Variants in SETD2 observed in about 807,000 individuals in gnomAD.
SETD2 encodes the protein SET domain containing 2, histone lysine methyltransferase, also known as histone-lysine N-methyltransferase SETD2.
Under a neutral mutation model 242.1 loss-of-function variants are expected in SETD2, and 31 were observed. That is an observed-to-expected ratio of 0.13 (90% CI 0.10 to 0.17). SETD2 has a LOEUF of 0.17. SETD2 is among the 10% of genes least tolerant of loss of function. SETD2 has a pLI of 1.00. For synonymous variants in SETD2, 1,006 were observed against 1,066.5 expected (o/e 0.94, Z 1.11); for missense variants, 2,481 against 3,046.3 (o/e 0.81, Z 4.37).
chr3:47,090,636 C>T (rs1286088353), intron 9 of SETD2, among the ~76,000 whole-genome samples: 1 of 151,962 alleles, frequency 6.6e-6, no homozygotes, highest in Non-Finnish European at 1.5e-5. Flanking sequence ...GTGATCTGCC[C>T]GCCTCAGCCT....
At chr3:47,069,827 T>C (rs2040740848) in intron 12 of SETD2, among the ~76,000 whole-genome samples, 1 of 152,246 alleles carries the variant, frequency 6.6e-6, no homozygotes, top group Non-Finnish European at 1.5e-5. Flanking sequence ...CTTACTCCTC[T>C]GTCTGCCTCT....
In SETD2 at chr3:47,056,095, TTTATTTATTTATTTATTTA is replaced by T. The variant is rs1253523041; in HGVS notation, c.6963+707_6963+725del. ...AAAAAAAAGAAAAGAAAACATGATT[TTTATTTATTTATTTATTTA>T]TTTATTTATTTATTTATTTATTTAT... On this transcript the variant is annotated intron_variant, in intron 15 of 20. Transcript: ENST00000409792. 9.4e-5 allele frequency among the ~76,000 whole-genome samples: 4 copies of T among 42,554 alleles called. No individual in the cohort carries two copies. In the South Asian group the frequency reaches 2.6e-3, roughly 28 times the overall value. 27.9% of individuals were successfully genotyped at this position (42,554 alleles called of 152,430 possible). A position where few individuals can be genotyped will look rare whatever the true frequency, so the allele number is the denominator to read the frequency against.
intron 1 of SETD2, among the ~76,000 whole-genome samples, chr3:47,132,664 CG>C (rs11344368): frequency 0.65 from 98,769 of 151,900 alleles, 32,495 homozygotes; most frequent in African/African-American, 0.75. Flanking sequence ...TACTGAATTT[CG>C]TAACTACAAA....
At chr3:47,146,496 T>C (rs1479887173) in intron 1 of SETD2, among the ~76,000 whole-genome samples, 1 of 151,640 alleles carries the variant, frequency 6.6e-6, no homozygotes, top group East Asian at 1.9e-4. Context: ...GTCATAGTGG[T>C]AGTCGCCTCT....
chr3:47,051,045 C>T (rs1575691143), intron 15 of SETD2, among the ~76,000 whole-genome samples: 1 of 151,426 alleles, frequency 6.6e-6, no homozygotes, highest in African/African-American at 2.4e-5. Context: ...TTTTCTTATC[C>T]CTCTACTCAT....
intron 17 of SETD2, among the ~76,000 whole-genome samples, chr3:47,041,564 T>G (rs2039281576): frequency 6.6e-6 from 1 of 152,144 alleles, no homozygotes; most frequent in African/African-American, 2.4e-5. Context: ...TGAAATAGAT[T>G]AGTAAATAAA....
At chr3:47,077,824 A>G (rs2041157675) in intron 12 of SETD2, among the ~76,000 whole-genome samples, 1 of 152,214 alleles carries the variant, frequency 6.6e-6, no homozygotes, top group Non-Finnish European at 1.5e-5. Context: ...AATAATGGAG[A>G]TATGTCAGAA....
chr3:47,131,907 A>G (rs969272313), intron 1 of SETD2, among the ~76,000 whole-genome samples: 5 of 151,592 alleles, frequency 3.3e-5, no homozygotes, highest in Non-Finnish European at 7.4e-5. Context: ...CCTCGCGAGT[A>G]GCTGGGACTA....
chr3:47,066,522 T>C (rs1477896986), intron 13 of SETD2, among the ~76,000 whole-genome samples: 1 of 152,160 alleles, frequency 6.6e-6, no homozygotes, highest in Non-Finnish European at 1.5e-5. Flanking sequence ...AATATTTTTG[T>C]ATTTTTTGTA....
intron 12 of SETD2, among the ~76,000 whole-genome samples, chr3:47,070,491 G>T (rs1331424878): frequency 4.6e-5 from 7 of 152,146 alleles, no homozygotes; most frequent in Non-Finnish European, 7.4e-5. Context: ...TACAACTGAA[G>T]TTTTCCAAAG....
intron 7 of SETD2, among the ~76,000 whole-genome samples, chr3:47,101,859 T>C (rs2042227378): frequency 6.6e-6 from 1 of 152,222 alleles, no homozygotes; most frequent in Non-Finnish European, 1.5e-5. Context: ...TTTTAATTTA[T>C]CTTAACATTT....
rs2107637809 is a variant in SETD2, at chr3:47,083,801, T to C, written c.5979A>G (p.Glu1993=). 1 of 1,614,158 alleles carries C rather than the reference T, an allele frequency of 6.2e-7. No individual in the cohort carries two copies. The highest frequency in any genetic ancestry group is 8.5e-7 in the Non-Finnish European group (1 of 1,180,004). ...TTTTATCTGGCTGTTCTTGGCTCCTTTCACTCTCCACATCAGACACACCCT... is the reference window on the plus strand; with the variant it reads ...TTTTATCTGGCTGTTCTTGGCTCCTCTCACTCTCCACATCAGACACACCCT... The part of the protein sequence containing the change: ...EEEGVSDVES[E]RSQEQPDKTV... Residue 1993 remains glutamate (E), a synonymous_variant, in exon 12 of 21, where the codon GAA becomes GAG. Transcript: ENST00000409792.
At chr3:47,028,709 G>GT (rs1044921174) in intron 18 of SETD2, 1 of 152,238 alleles carries the variant, frequency 6.6e-6, no homozygotes, top group Non-Finnish European at 1.5e-5. Flanking sequence ...AATGCTCACA[G>GT]TTATGAAAGA....
chr3:47,022,724 G>A (rs2038287854), intron 18 of SETD2, among the ~76,000 whole-genome samples: 1 of 152,210 alleles, frequency 6.6e-6, no homozygotes. Context: ...GCAGGCAAAG[G>A]GCCTGGCAGA....
At chr3:47,163,755 T>C in intron 1 of SETD2, 99 bp downstream of exon 1, 1 of 1,073,612 alleles carries the variant, frequency 9.3e-7, no homozygotes, top group Non-Finnish European at 1.2e-6. Context: ...GGCCTGTTAC[T>C]CCTCGCGCCG....
chr3:47,087,684 T>TGGCC (rs2041621615), intron 10 of SETD2, among the ~76,000 whole-genome samples: 1 of 152,132 alleles, frequency 6.6e-6, no homozygotes, highest in Non-Finnish European at 1.5e-5. Flanking sequence ...AAAATAAAAC[T>TGGCC]GGCCGGCCAT....
chr3:47,037,753 A>T lies in SETD2; in HGVS notation c.7263T>A (p.Thr2421=). Residue 2421 remains threonine (T), a synonymous_variant, in exon 18 of 21, where the codon ACT becomes ACA. Transcript: ENST00000409792. ...ITRQTQWDPP[T]WESPGDDASL... ...TGGCATCATCTCCTGGGCTTTCCCAAGTAGGAGGATCCCACTGAGTCTGCC... is the reference window on the plus strand; with the variant it reads ...TGGCATCATCTCCTGGGCTTTCCCATGTAGGAGGATCCCACTGAGTCTGCC... 6.2e-7 allele frequency: 1 copy of T among 1,613,696 alleles called. No individual in the cohort carries two copies.
rs2039298060 is a variant in SETD2 at position 47,041,893 on chromosome 3, C to T, written c.7238+668G>A. ...AGCGCTGTCCGTAAAAAAAATTGAA[C>T]AGCAGAGTTGAGTAGCTATGATATA... is the stretch of plus-strand genomic sequence containing the variant. On this transcript the variant is annotated intron_variant, in intron 17 of 20. Transcript: ENST00000409792. Among the ~76,000 whole-genome samples the T allele has an allele frequency of 2.6e-5, 4 of 152,148 alleles. 1 individual carries two copies. The highest frequency in any genetic ancestry group is 2.6e-4 in the Admixed American group (4 of 15,272).
At chr3:47,105,860 G>T in intron 6 of SETD2, 137 bp downstream of exon 6, 2 of 937,024 alleles carry the variant, frequency 2.1e-6, no homozygotes, top group African/African-American at 1.8e-5. Flanking sequence ...CCGAGATCTT[G>T]CCACTGCACT....
Sources: allele counts gnomAD v4.1 joint callset (sites outside exome capture counted in the v4.1 genomes callset), GRCh38; gene constraint gnomAD v4.1.1; transcripts MANE v1.5; gene names NCBI Gene and HGNC (gene_info 2026-07-23, HGNC 2026-07-21).